USP24: variants seen among roughly 807,000 people sequenced by gnomAD.
USP24 encodes the protein ubiquitin specific peptidase 24.
Under a neutral mutation model 361.6 loss-of-function variants are expected in USP24, and 97 were observed. The observed-to-expected ratio is 0.27, with a 90% CI of 0.23 to 0.32. USP24 has a LOEUF of 0.32. USP24 is among the 10% of genes least tolerant of loss of function. The pLI is 1.00. For missense variants in USP24, 2,353 were observed against 3,165.6 expected (o/e 0.74, Z 6.16); for synonymous variants, 1,098 against 1,124.6 (o/e 0.98, Z 0.47).
intron 3 of USP24, among the ~76,000 whole-genome samples, chr1:55,173,365 T>A (rs1158705034): frequency 1.3e-5 from 2 of 152,188 alleles, no homozygotes; most frequent in African/African-American, 2.4e-5. Flanking sequence ...TATAAAACAA[T>A]GGTACAAATC....
chr1:55,129,160 G>A (rs184347381), intron 32 of USP24, among the ~76,000 whole-genome samples: 44 of 152,170 alleles, frequency 2.9e-4, no homozygotes, highest in East Asian at 9.7e-4. Flanking sequence ...GATTTACAGC[G>A]ATAAAATTCA....
intron 54 of USP24, among the ~76,000 whole-genome samples, chr1:55,090,795 G>A (rs1036007300): frequency 1.3e-5 from 2 of 152,178 alleles, no homozygotes; most frequent in Non-Finnish European, 2.9e-5. Flanking sequence ...GATAAAAACC[G>A]ATGACGAGGC....
rs555678832 is a variant in USP24, at chr1:55,133,722, G to C, written c.3381+348C>G. 4.7e-5 allele frequency among the ~76,000 whole-genome samples: 7 copies of C among 147,564 alleles called. No individual in the cohort carries two copies. In the Admixed American group the frequency reaches 4.8e-4, roughly 10 times the overall value. On this transcript the variant is annotated intron_variant, in intron 30 of 67. Transcript: ENST00000294383. Reference sequence around the variant, plus strand: ...TGTAATCTTGGCTCACTGCAGCCTCGACCTCTTGGGTTCAAGCTATCCTCC... The same window carrying C: ...TGTAATCTTGGCTCACTGCAGCCTCCACCTCTTGGGTTCAAGCTATCCTCC...
chr1:55,118,145 G>T (rs74073033), intron 38 of USP24, among the ~76,000 whole-genome samples: 5,881 of 152,222 alleles, frequency 0.039, 364 homozygotes, highest in African/African-American at 0.13. Context: ...AATTCACATG[G>T]ACTCTCCAAG....
intron 48 of USP24, 41 bp downstream of exon 48, chr1:55,097,557 A>G (rs1254760541): frequency 2.0e-6 from 3 of 1,525,756 alleles, no homozygotes; most frequent in African/African-American, 2.8e-5. Flanking sequence ...TGAGTGAGGA[A>G]ATGAATGGTT....
chr1:55,112,719 G>A (rs1016994723), intron 38 of USP24, among the ~76,000 whole-genome samples: 4 of 152,144 alleles, frequency 2.6e-5, no homozygotes, highest in African/African-American at 9.7e-5. Context: ...GCAATGTGGT[G>A]TTGAAAAGAA....
chr1:55,072,289 C>A lies in USP24; in HGVS notation c.7689+28G>T, dbSNP rs376212440. ...GAAAATCCTCCATAAGTGATTTAGACCACGCAAAAACAAGAGACAACTCTC... is the reference window on the plus strand; with the variant it reads ...GAAAATCCTCCATAAGTGATTTAGAACACGCAAAAACAAGAGACAACTCTC... On this transcript the variant is annotated intron_variant, in intron 66 of 67. Coordinates refer to ENST00000294383, the MANE Select transcript of USP24 (RefSeq NM_015306.3). 2.0e-3 allele frequency: 3,162 copies of A among 1,600,036 alleles called. 5 individuals carry two copies. Among genetic ancestry groups the A allele is most frequent in the Non-Finnish European group, 2.4e-3 (2,769 of 1,170,174 alleles).
chr1:55,167,891 G>C (rs1014487300), intron 5 of USP24, among the ~76,000 whole-genome samples: 1 of 152,224 alleles, frequency 6.6e-6, no homozygotes, highest in Admixed American at 6.5e-5. Context: ...GACACACTAA[G>C]TTTGAGAACT....
Position 55,094,214 on chromosome 1 carries a change from AAAACTGTACCACAT to A in USP24, c.6204-141_6204-128del, listed in dbSNP as rs367921580. ...GATTATTATACATGTATCGAAACAT[AAAACTGTACCACAT>A]AAATATATACAATCATAATGTAACA... On this transcript the variant is annotated intron_variant, in intron 51 of 67. Transcript: ENST00000294383. 1,735 of 890,122 alleles carry A rather than the reference AAAACTGTACCACAT, an allele frequency of 1.9e-3. 18 individuals carry two copies. The African/African-American group carries it at 0.027, about 14-fold the overall frequency. The allele number at this position is 890,122 out of a possible 1,614,324, so 55.1% of individuals were successfully genotyped here. A position where few individuals can be genotyped will look rare whatever the true frequency, so the allele number is the denominator to read the frequency against.
At chr1:55,214,716 C>T (rs1429429973) in intron 1 of USP24, 74 bp downstream of exon 1, 8 of 1,101,396 alleles carry the variant, frequency 7.3e-6, no homozygotes, top group Non-Finnish European at 9.0e-6. Flanking sequence ...ACACCAAGCC[C>T]AGCGGGGTGT....
At chr1:55,195,574 A>G (rs1644395648) in intron 1 of USP24, among the ~76,000 whole-genome samples, 1 of 152,222 alleles carries the variant, frequency 6.6e-6, no homozygotes, top group South Asian at 2.1e-4. Flanking sequence ...GTGTTACTGT[A>G]AGAGTATTAC....
intron 28 of USP24, 62 bp downstream of exon 28, chr1:55,137,453 C>G: frequency 6.5e-7 from 1 of 1,537,572 alleles, no homozygotes; most frequent in East Asian, 2.3e-5. Context: ...TTGGAAGAGT[C>G]AGAACAAAAA....
At chr1:55,194,086 C>G (rs1240667789) in intron 1 of USP24, among the ~76,000 whole-genome samples, 1 of 152,072 alleles carries the variant, frequency 6.6e-6, no homozygotes, top group Non-Finnish European at 1.5e-5. Context: ...CACCCCAAGC[C>G]AAGAATTGGG....
chr1:55,157,229 T>TA (rs1013726280), intron 11 of USP24, 27 bp downstream of exon 11: 1 of 1,499,072 alleles, frequency 6.7e-7, no homozygotes, highest in Non-Finnish European at 9.1e-7. Context: ...ATGTGTTAGG[T>TA]AATTTTTATT....
At chr1:55,085,772 G>T (rs536639774) in intron 56 of USP24, among the ~76,000 whole-genome samples, 170 bp downstream of exon 56, 1 of 152,350 alleles carries the variant, frequency 6.6e-6, no homozygotes, top group East Asian at 1.9e-4. Context: ...ATGTGAGGAG[G>T]AAGGGACAGA....
chr1:55,103,893 G>C lies in USP24; in HGVS notation c.5008C>G (p.Leu1670Val). ...LSMHHQPDPA[L>V]TKEFDYLPPV... is the part of the protein sequence containing the mutation. The stretch of plus-strand genomic sequence containing the variant: ...AAACCTACATCAAACTCCTTGGTAA[G>C]AGCAGGGTCAGGCTGGTGATGCATA... Residue 1670 changes from leucine (L) to valine (V), a missense_variant, in exon 42 of 68, where the codon CTT becomes GTT. By Grantham distance (32) the Leu-to-Val change is conservative. Coordinates refer to ENST00000294383, the MANE Select transcript of USP24 (RefSeq NM_015306.3). 6.2e-7 allele frequency: 1 copy of C among 1,612,884 alleles called. No individual in the cohort carries two copies. The highest frequency in any genetic ancestry group is 1.1e-5 in the South Asian group (1 of 90,850).
chr1:55,186,321 T>G (rs1001439560), intron 1 of USP24, among the ~76,000 whole-genome samples: 1 of 152,226 alleles, frequency 6.6e-6, no homozygotes. Flanking sequence ...TGTACACTGC[T>G]GATAAGAGTA....
rs116258629 is a variant in USP24 at position 55,125,222 on chromosome 1, C to G, written c.3960+98G>C. The G allele has an allele frequency of 7.6e-4, 889 of 1,175,396 alleles. 2 individuals are homozygous for G. In the African/African-American group the frequency reaches 0.011, roughly 15 times the overall value. The allele number at this position is 1,175,396 out of a possible 1,614,324, so 72.8% of individuals were successfully genotyped here. On this transcript the variant is annotated intron_variant, in intron 34 of 67. Coordinates refer to ENST00000294383, the MANE Select transcript of USP24 (RefSeq NM_015306.3). ...CCATAAATTTCTTGAAGGCAATATTCATGTCTTAATCATTTTTATATCCCC... is the reference window on the plus strand; with the variant it reads ...CCATAAATTTCTTGAAGGCAATATTGATGTCTTAATCATTTTTATATCCCC...
intron 1 of USP24, among the ~76,000 whole-genome samples, chr1:55,189,259 G>C (rs1644224212): frequency 6.6e-6 from 1 of 152,178 alleles, no homozygotes; most frequent in Non-Finnish European, 1.5e-5. Flanking sequence ...TTATCCAAAT[G>C]TCCATTAGAA....
Sources: allele counts gnomAD v4.1 joint callset (sites outside exome capture counted in the v4.1 genomes callset), GRCh38; gene constraint gnomAD v4.1.1; transcripts MANE v1.5; gene names NCBI Gene and HGNC (gene_info 2026-07-23, HGNC 2026-07-21).